COPA: variants seen among roughly 807,000 people sequenced by gnomAD.
The protein encoded by COPA is coatomer subunit alpha.
Under a neutral mutation model 158.7 loss-of-function variants are expected in COPA, and 10 were observed. The observed-to-expected ratio is 0.06, with a 90% CI of 0.04 to 0.11. The LOEUF is 0.11. Among genes scored for constraint, COPA ranks in the 10% least tolerant of loss-of-function variants. The pLI is 1.00. For synonymous variants in COPA, 462 were observed against 542.8 expected (o/e 0.85, Z 2.07); for missense variants, 1,065 against 1,536.7 (o/e 0.69, Z 5.13).
Position 160,291,504 on chromosome 1 carries a change from A to T in COPA, c.3259-8T>A, listed in dbSNP as rs1381976276. The T allele has an allele frequency of 1.9e-6, 3 of 1,611,796 alleles. No individual in the cohort carries two copies. The highest frequency in any genetic ancestry group is 2.5e-6 in the Non-Finnish European group (3 of 1,178,250). On this transcript the variant is annotated splice_region_variant and splice_polypyrimidine_tract_variant and intron_variant, in intron 30 of 32. Coordinates refer to ENST00000241704, the MANE Select transcript of COPA (RefSeq NM_004371.4). Reference sequence around the variant, plus strand: ...GGTGAAATAGGCTGCCATCTGGTGGACAGAAAAAGGAACACATGCCAGGTT... The same window carrying T: ...GGTGAAATAGGCTGCCATCTGGTGGTCAGAAAAAGGAACACATGCCAGGTT...
At position 160,291,855 on chromosome 1, in the gene COPA, G is replaced by T. The variant is rs1658244513; in HGVS notation, c.3222C>A (p.Pro1074=). Residue 1074 remains proline (P), a synonymous_variant, in exon 30 of 33, where the codon CCC becomes CCA. Transcript: ENST00000241704. The part of the protein sequence containing the change: ...LSVETERKKL[P]KETLEQQKRI... ...GCTTCTGCTGTTCTAGAGTCTCTTTGGGCAGCTTCTTCCTTTCTGTCTCCA... is the reference window on the plus strand; with the variant it reads ...GCTTCTGCTGTTCTAGAGTCTCTTTTGGCAGCTTCTTCCTTTCTGTCTCCA... 6.2e-7 allele frequency: 1 copy of T among 1,614,056 alleles called. No individual in the cohort carries two copies. Among genetic ancestry groups the T allele is most frequent in the Non-Finnish European group, 8.5e-7 (1 of 1,180,008 alleles).
chr1:160,310,286 A>G, intron 11 of COPA, 28 bp from the exon 12 acceptor site: 1 of 1,453,132 alleles, frequency 6.9e-7, no homozygotes, highest in East Asian at 2.3e-5. Context: ...AAAAGGAGAA[A>G]ACAGGGAAGA....
At chr1:160,293,927 C>A (rs1658321515) in intron 25 of COPA, among the ~76,000 whole-genome samples, 1 of 152,188 alleles carries the variant, frequency 6.6e-6, no homozygotes, top group African/African-American at 2.4e-5. Flanking sequence ...AAAATAGGAG[C>A]CACCTCACCA....
chr1:160,297,839 TGAA>T, intron 19 of COPA, 94 bp from the exon 20 acceptor site: 1 of 1,318,646 alleles, frequency 7.6e-7, no homozygotes, highest in African/African-American at 1.5e-5. Flanking sequence ...ATAGATTTCC[TGAA>T]GAACTTCCTA....
intron 17 of COPA, 200 bp downstream of exon 17, chr1:160,305,233 T>C: frequency 1.9e-6 from 1 of 512,926 alleles, no homozygotes; most frequent in South Asian, 3.1e-5. Context: ...TTTTTTTTAA[T>C]GTAATTGTCT....
intron 13 of COPA, among the ~76,000 whole-genome samples, chr1:160,308,412 T>C (rs1658861321): frequency 2.0e-5 from 3 of 152,134 alleles, no homozygotes; most frequent in African/African-American, 7.2e-5. Context: ...TAGGAATCTG[T>C]TGATGGGGTC....
Position 160,297,719 on chromosome 1 carries a change from C to T in COPA, c.2004G>A (p.Leu668=), listed in dbSNP as rs778955589. 1 of 1,614,056 alleles carries T rather than the reference C, an allele frequency of 6.2e-7. No individual in the cohort carries two copies. Among genetic ancestry groups the T allele is most frequent in the East Asian group, 2.2e-5 (1 of 44,884 alleles). ...IEIALEAAKA[L]DDKNCWEKLG... is the part of the protein sequence containing the mutation. ...GCTTTTCCCAGCAGTTCTTGTCATC[C>T]AGTGCTTTGGCTGCTTCCAGAGCAA... Residue 668 remains leucine, a synonymous_variant, in exon 20 of 33, where the codon CTG becomes CTA. Coordinates refer to ENST00000241704, the MANE Select transcript of COPA (RefSeq NM_004371.4).
intron 17 of COPA, chr1:160,305,209 AT>A: frequency 2.1e-6 from 1 of 465,230 alleles, no homozygotes; most frequent in South Asian, 3.4e-5. Context: ...TACATAACTT[AT>A]TTGTTATTCT....
chr1:160,295,502 T>A (rs752780928), intron 23 of COPA, among the ~76,000 whole-genome samples: 1 of 152,186 alleles, frequency 6.6e-6, no homozygotes, highest in Non-Finnish European at 1.5e-5. Flanking sequence ...ACCGAAGTTA[T>A]TGATGGTAGT....
chr1:160,308,506 A>G (rs752105085), intron 13 of COPA, among the ~76,000 whole-genome samples: 38 of 152,220 alleles, frequency 2.5e-4, no homozygotes, highest in Non-Finnish European at 4.3e-4. Flanking sequence ...ACCCGCTGGA[A>G]GAAGTGCACC....
chr1:160,290,317 T>C (rs1195459972), intron 32 of COPA, 101 bp from the exon 33 acceptor site: 2 of 1,433,716 alleles, frequency 1.4e-6, no homozygotes, highest in Admixed American at 1.8e-5. Context: ...TAGACAGGTA[T>C]TGGGGTGTTC....
Position 160,335,308 on chromosome 1 carries a change from C to T in COPA, c.243G>A (p.Lys81=). Residue 81 remains lysine, a synonymous_variant, in exon 4 of 33, where the codon AAG becomes AAA. Coordinates refer to ENST00000241704, the MANE Select transcript of COPA (RefSeq NM_004371.4). ...GCAATGTGAAAAGACAGCGCCGAAG[C>T]TTGTAATTCCAAACCTGCAAAGACA... ...DDYKIKVWNY[K]LRRCLFTLLG... The T allele has an allele frequency of 6.2e-7, 1 of 1,610,958 alleles. No homozygotes were observed. The highest frequency in any genetic ancestry group is 8.5e-7 in the Non-Finnish European group (1 of 1,178,550).
intron 14 of COPA, 116 bp downstream of exon 14, chr1:160,307,047 A>C: frequency 1.0e-6 from 1 of 992,198 alleles, no homozygotes; most frequent in Middle Eastern, 2.1e-4. Context: ...CAGCCAATAC[A>C]TGAGAATCAC....
chr1:160,311,450 T>C lies in COPA; in HGVS notation c.1076+418A>G, dbSNP rs537828015. Among the ~76,000 whole-genome samples the C allele has an allele frequency of 3.8e-5, 4 of 106,562 alleles. No homozygotes were observed. The South Asian group carries it at 1.1e-3, about 30-fold the overall frequency. The allele number at this position is 106,562 out of a possible 152,430, so 69.9% of individuals were successfully genotyped here. ...GAGACTCCATCTCAAAAAAAAAAAA[T>C]TTAAAAATAAATAAATAGGCTGGGC... is the stretch of plus-strand genomic sequence containing the variant. On this transcript the variant is annotated intron_variant, in intron 11 of 32. Coordinates refer to ENST00000241704, the MANE Select transcript of COPA (RefSeq NM_004371.4).
chr1:160,301,303 C>T (rs1658594105), intron 17 of COPA, among the ~76,000 whole-genome samples: 1 of 152,112 alleles, frequency 6.6e-6, no homozygotes, highest in South Asian at 2.1e-4. Flanking sequence ...AAGTGACACT[C>T]AAAGGAAATG....
At chr1:160,321,633 C>A (rs1483550225) in intron 8 of COPA, among the ~76,000 whole-genome samples, 1 of 151,944 alleles carries the variant, frequency 6.6e-6, no homozygotes, top group Non-Finnish European at 1.5e-5. Flanking sequence ...AAAAAAAGTA[C>A]AAAAATTAGC....
At chr1:160,320,676 C>T (rs191128387) in intron 8 of COPA, among the ~76,000 whole-genome samples, 6 of 145,368 alleles carry the variant, frequency 4.1e-5, no homozygotes, top group African/African-American at 1.5e-4. Flanking sequence ...AAACCAGTGC[C>T]TAGATCAAAG....
intron 17 of COPA, among the ~76,000 whole-genome samples, chr1:160,304,138 C>T (rs982476308): frequency 1.8e-4 from 28 of 151,768 alleles, no homozygotes; most frequent in African/African-American, 4.1e-4. Context: ...CCTCAGCCTC[C>T]GGAGTAGCTG....
Position 160,293,246 on chromosome 1 carries a change from CAAAAA to C in COPA, c.2755-17_2755-13del. Reference sequence around the variant, plus strand: ...TTATTACACCAGATCTAACAAGAAACAAAAAAACCCAAGCCAAGTGAAACTTTGTC... The same window carrying C: ...TTATTACACCAGATCTAACAAGAAACAACCCAAGCCAAGTGAAACTTTGTC... On this transcript the variant is annotated splice_polypyrimidine_tract_variant and intron_variant, in intron 26 of 32. Transcript: ENST00000241704. 2 of 1,613,744 alleles carry C rather than the reference CAAAAA, an allele frequency of 1.2e-6. No individual in the cohort carries two copies. Among genetic ancestry groups the C allele is most frequent in the Non-Finnish European group, 1.7e-6 (2 of 1,179,922 alleles).
Sources: allele counts gnomAD v4.1 joint callset (sites outside exome capture counted in the v4.1 genomes callset), GRCh38; gene constraint gnomAD v4.1.1; transcripts MANE v1.5; gene names NCBI Gene and HGNC (gene_info 2026-07-23, HGNC 2026-07-21).